CLNK: variants seen among roughly 807,000 people sequenced by gnomAD.
CLNK encodes cytokine dependent hematopoietic cell linker.
A neutral mutation model predicts 68.6 loss-of-function variants in CLNK; 74 were observed. The ratio of observed to expected loss-of-function variants is 1.08; its 90% confidence interval spans 0.89 to 1.31. CLNK has a LOEUF of 1.31. CLNK is among the 50% of genes most tolerant of loss of function. The pLI, the probability that CLNK is intolerant of heterozygous loss-of-function variation, is 0.00. For synonymous variants in CLNK, 198 were observed against 172.2 expected (o/e 1.15, Z -1.17); for missense variants, 553 against 515.3 (o/e 1.07, Z -0.71).
chr4:10,591,670 C>T (rs559918310), intron 3 of CLNK, among the ~76,000 whole-genome samples: 1 of 152,344 alleles, frequency 6.6e-6, no homozygotes, highest in Non-Finnish European at 1.5e-5. Context: ...GAGTGCCTGG[C>T]ACGTAGTAGG....
chr4:10,522,122 G>T (rs1323855578), intron 14 of CLNK, among the ~76,000 whole-genome samples: 1 of 151,844 alleles, frequency 6.6e-6, no homozygotes, highest in Non-Finnish European at 1.5e-5. Flanking sequence ...GCCGGGCATG[G>T]TGGTGGGCAC....
chr4:10,512,790 A>T (rs962388588), intron 16 of CLNK, among the ~76,000 whole-genome samples: 1 of 151,512 alleles, frequency 6.6e-6, no homozygotes, highest in Non-Finnish European at 1.5e-5. Context: ...TTTAGTAAGT[A>T]ACATCCAATG....
At chr4:10,537,486 A>G (rs1412620513) in intron 11 of CLNK, among the ~76,000 whole-genome samples, 1 of 152,036 alleles carries the variant, frequency 6.6e-6, no homozygotes, top group Admixed American at 6.6e-5. Context: ...TCAAAAAAAT[A>G]TATACAGCCT....
intron 18 of CLNK, among the ~76,000 whole-genome samples, chr4:10,493,762 G>C (rs1337373797): frequency 6.6e-6 from 1 of 152,154 alleles, no homozygotes; most frequent in African/African-American, 2.4e-5. Flanking sequence ...ATTGTAACCA[G>C]AGGGCCTGTG....
chr4:10,705,688 G>A, the CLNK span, among the ~76,000 whole-genome samples: 122 of 152,306 alleles, frequency 8.0e-4, no homozygotes, highest in Non-Finnish European at 1.4e-3. Flanking sequence ...GACAAGCCAG[G>A]ATAATTTCTC....
chr4:10,580,734 T>A (rs2108834263), intron 4 of CLNK, among the ~76,000 whole-genome samples: 1 of 152,308 alleles, frequency 6.6e-6, no homozygotes, highest in South Asian at 2.1e-4. Flanking sequence ...AATGGTACAA[T>A]GCGTTTGTGC....
At chr4:10,699,237 CACACAT>C in the CLNK span, among the ~76,000 whole-genome samples, 3 of 130,650 alleles carry the variant, frequency 2.3e-5, no homozygotes, top group Non-Finnish European at 3.3e-5. Flanking sequence ...TGTGTATACA[CACACAT>C]ACACACCACG....
intron 2 of CLNK, among the ~76,000 whole-genome samples, chr4:10,636,303 C>A (rs987870350): frequency 6.6e-6 from 1 of 152,094 alleles, no homozygotes; most frequent in Non-Finnish European, 1.5e-5. Context: ...GAGAGAACCA[C>A]ACACAGAGCA....
chr4:10,658,202 A>T (rs779187511), intron 2 of CLNK, among the ~76,000 whole-genome samples: 2 of 152,230 alleles, frequency 1.3e-5, no homozygotes, highest in Non-Finnish European at 2.9e-5. Flanking sequence ...ACCTCTTATT[A>T]GCATCCTGCT....
intron 6 of CLNK, 72 bp from the exon 7 acceptor site, chr4:10,564,849 C>T: frequency 2.2e-6 from 2 of 918,942 alleles, no homozygotes; most frequent in Non-Finnish European, 3.5e-6. Context: ...AAAGTATTTG[C>T]ACATCTACAA....
chr4:10,702,834 G>A, the CLNK span, among the ~76,000 whole-genome samples: 7 of 152,082 alleles, frequency 4.6e-5, no homozygotes, highest in African/African-American at 1.7e-4. Flanking sequence ...ATAAGCAGAT[G>A]GACCCCCATT....
At chr4:10,690,480 G>T in the CLNK span, among the ~76,000 whole-genome samples, 2 of 152,026 alleles carry the variant, frequency 1.3e-5, no homozygotes, top group East Asian at 3.9e-4. Flanking sequence ...AAAATCTCTG[G>T]CATGGTTTCT....
intron 15 of CLNK, chr4:10,517,296 A>G (rs944047204): frequency 6.6e-6 from 1 of 152,188 alleles, no homozygotes; most frequent in Non-Finnish European, 1.5e-5. Context: ...ACAAAAAAAA[A>G]GTCAATACAA....
intron 2 of CLNK, among the ~76,000 whole-genome samples, chr4:10,625,150 A>G (rs1577177915): frequency 1.3e-5 from 2 of 152,206 alleles, no homozygotes; most frequent in East Asian, 3.8e-4. Flanking sequence ...TCTCTTGCCC[A>G]TGGTGCTGTA....
intron 11 of CLNK, among the ~76,000 whole-genome samples, chr4:10,539,188 G>A (rs1718917839): frequency 6.6e-6 from 1 of 152,200 alleles, no homozygotes; most frequent in African/African-American, 2.4e-5. Context: ...TCCTTCCCAT[G>A]CTGCCATGGC....
the CLNK span, among the ~76,000 whole-genome samples, chr4:10,724,944 G>A: frequency 2.0e-5 from 3 of 152,178 alleles, no homozygotes; most frequent in Non-Finnish European, 4.4e-5. Context: ...AGACCTAAGA[G>A]GGCAGTGGTG....
chr4:10,608,235 T>G (rs1391476158), intron 2 of CLNK, among the ~76,000 whole-genome samples: 1 of 152,246 alleles, frequency 6.6e-6, no homozygotes, highest in African/African-American at 2.4e-5. Flanking sequence ...TCTTCAATTT[T>G]GTTTTGCAAC....
chr4:10,504,059 G>C (rs929770345), intron 17 of CLNK, among the ~76,000 whole-genome samples: 1 of 150,112 alleles, frequency 6.7e-6, no homozygotes, highest in Non-Finnish European at 1.5e-5. Flanking sequence ...GGGATTATAC[G>C]TGTGAGCCAT....
intron 2 of CLNK, among the ~76,000 whole-genome samples, chr4:10,614,353 C>G (rs998017888): frequency 2.6e-5 from 4 of 152,032 alleles, no homozygotes; most frequent in Admixed American, 1.3e-4. Context: ...AGCCCTGGTT[C>G]CCTTAAGTAA....
Sources: gnomAD v4.1 joint callset for allele counts (sites outside exome capture counted in the v4.1 genomes callset) on GRCh38, gnomAD v4.1.1 for gene constraint, MANE v1.5 for transcripts, NCBI Gene and HGNC (gene_info 2026-07-23, HGNC 2026-07-21) for gene names.